Variants in RRP1B observed in about 807,000 individuals in gnomAD.
The protein encoded by RRP1B is ribosomal RNA processing 1B.
A neutral mutation model predicts 80.2 loss-of-function variants in RRP1B; 56 were observed. The ratio of observed to expected loss-of-function variants is 0.70; its 90% CI spans 0.56 to 0.87. The LOEUF (loss-of-function observed/expected upper bound fraction) is 0.87. Ranked by LOEUF, RRP1B falls within the 40% of genes least tolerant of loss-of-function variation. RRP1B has a pLI of 0.00. For missense variants in RRP1B, 807 were observed against 939.8 expected (o/e 0.86, Z 1.85); for synonymous variants, 351 against 357.6 (o/e 0.98, Z 0.21).
rs551971755 is a variant in RRP1B, at chr21:43,675,848, T to C, written c.550-424T>C. On this transcript the variant is annotated intron_variant, in intron 6 of 15. Coordinates refer to ENST00000340648, the MANE Select transcript of RRP1B (RefSeq NM_015056.3). The stretch of plus-strand genomic sequence containing the variant: ...AAAATATGAGGGGTATTTTGCATTT[T>C]ATTTTATTTTATTTTATTTTATTTT... Among the ~76,000 whole-genome samples the C allele has an allele frequency of 5.0e-4, 57 of 113,920 alleles. No homozygotes were observed. The South Asian group carries it at 0.013, about 25-fold the overall frequency. 74.7% of individuals were successfully genotyped at this position (113,920 alleles called of 152,430 possible). A position where few individuals can be genotyped will look rare whatever the true frequency, so the allele number is the denominator to read the frequency against.
chr21:43,686,499 C>G (rs2083063614), intron 11 of RRP1B: 1 of 281,334 alleles, frequency 3.6e-6, no homozygotes, highest in South Asian at 5.9e-5. Flanking sequence ...ACTAGGGACA[C>G]TTGGAATTGG....
At chr21:43,689,646 T>C (rs1299637783) in intron 13 of RRP1B, among the ~76,000 whole-genome samples, 1 of 152,194 alleles carries the variant, frequency 6.6e-6, no homozygotes, top group African/African-American at 2.4e-5. Context: ...GGGGTGTTGC[T>C]CAATAAGTCC....
Position 43,693,198 on chromosome 21 carries a change from AAGAC to A in RRP1B, c.2098_2101del (p.Asp700ArgfsTer26). The A allele has an allele frequency of 6.2e-7, 1 of 1,613,934 alleles. No homozygotes were observed. The highest frequency in any genetic ancestry group is 1.1e-5 in the South Asian group (1 of 91,056). ...GCTCTCATTTGGGACAGAATTCAAG[AAGAC>A]AGACAAGAGTATCTTGGTCAGTCCC... On this transcript the variant is annotated frameshift_variant, in exon 16 of 16. Transcript: ENST00000340648. LOFTEE classifies it high-confidence loss of function. This position sits in a 1 kb window ranked among gnomAD's most constrained non-coding sequence, Gnocchi z 4.1.
At position 43,684,603 on chromosome 21, in the gene RRP1B, G is replaced by T. The variant is rs1176270349; in HGVS notation, c.942G>T (p.Lys314Asn). Residue 314 changes from lysine to asparagine, a missense_variant, in exon 10 of 16, where the codon AAG becomes AAT. By Grantham distance (94) the Lys-to-Asn change is moderately conservative. Coordinates refer to ENST00000340648, the MANE Select transcript of RRP1B (RefSeq NM_015056.3). ...GACTCCTGGAAATGACCAGCAGGAA[G>T]AACACGCCCCACTTCAACAGGAAGC... ...ADRLLEMTSR[K>N]NTPHFNRKRL... 6.2e-7 allele frequency: 1 copy of T among 1,614,174 alleles called. No individual in the cohort carries two copies. The highest frequency in any genetic ancestry group is 1.3e-5 in the African/African-American group (1 of 75,054).
At position 43,683,286 on chromosome 21, in the gene RRP1B, C is replaced by A. The variant is rs146636619; in HGVS notation, c.804C>A (p.Gly268=). ...TTGGGTATATTTTGACAGCACTGGGCAAAAACCATTCCAGAAAAGATGGAC... is the reference window on the plus strand; with the variant it reads ...TTGGGTATATTTTGACAGCACTGGGAAAAAACCATTCCAGAAAAGATGGAC... The part of the protein sequence containing the change: ...RAVSKKKTAL[G]KNHSRKDGLS... The change falls in exon 9 of 16, where the codon GGC becomes GGA. Residue 268 remains glycine, a synonymous_variant. Transcript: ENST00000340648. The A allele has an allele frequency of 9.4e-5, 151 of 1,613,826 alleles. 1 individual carries two copies. Among genetic ancestry groups the A allele is most frequent in the Non-Finnish European group, 5.7e-5 (67 of 1,179,876 alleles).
chr21:43,666,456 C>T (rs1166331147), intron 1 of RRP1B, among the ~76,000 whole-genome samples: 6 of 152,224 alleles, frequency 3.9e-5, no homozygotes, highest in African/African-American at 9.7e-5. Context: ...TGGTGGCTCA[C>T]GCCTGTAATC....
chr21:43,666,018 C>T (rs543596701), intron 1 of RRP1B, among the ~76,000 whole-genome samples: 1 of 152,294 alleles, frequency 6.6e-6, no homozygotes, highest in East Asian at 1.9e-4. Flanking sequence ...CACTCCTTGT[C>T]CTTGCTGGGC....
chr21:43,677,922 C>T (rs538182090), intron 8 of RRP1B, among the ~76,000 whole-genome samples: 3 of 152,330 alleles, frequency 2.0e-5, no homozygotes, highest in Admixed American at 6.5e-5. Flanking sequence ...GCATTCAGGC[C>T]GGTTCCATGT....
intron 8 of RRP1B, among the ~76,000 whole-genome samples, chr21:43,679,648 T>G (rs1218240537): frequency 2.0e-5 from 3 of 152,196 alleles, no homozygotes; most frequent in Admixed American, 6.5e-5. Flanking sequence ...ATTTTAGGAT[T>G]GTTTTTTCTA....
chr21:43,680,963 G>A (rs187512657), intron 8 of RRP1B, among the ~76,000 whole-genome samples: 1 of 152,166 alleles, frequency 6.6e-6, no homozygotes, highest in African/African-American at 2.4e-5. Flanking sequence ...AATCAAGCCG[G>A]TTGCAGTGGC....
chr21:43,683,195 T>A (rs1352058341), intron 8 of RRP1B, 84 bp from the exon 9 acceptor site: 2 of 1,120,036 alleles, frequency 1.8e-6, no homozygotes, highest in Non-Finnish European at 2.7e-6. Flanking sequence ...AAGAGACACC[T>A]AATTAGACAG....
chr21:43,664,819 A>G (rs993437969), intron 1 of RRP1B, among the ~76,000 whole-genome samples: 1 of 152,226 alleles, frequency 6.6e-6, no homozygotes, highest in South Asian at 2.1e-4. Flanking sequence ...GCGGCAGGCA[A>G]GCGGGTATGT....
chr21:43,672,441 T>C, intron 3 of RRP1B, 76 bp downstream of exon 3: 1 of 1,255,054 alleles, frequency 8.0e-7, no homozygotes, highest in Non-Finnish European at 1.2e-6. Flanking sequence ...GTGCCGGTAT[T>C]GTGTAGATGT....
intron 5 of RRP1B, 46 bp downstream of exon 5, chr21:43,674,743 A>G (rs1568956750): frequency 6.6e-7 from 1 of 1,509,224 alleles, no homozygotes; most frequent in Non-Finnish European, 9.1e-7. Context: ...TAAAACTTAA[A>G]AGGTAGTAGA....
At chr21:43,670,126 C>T (rs2082993904) in intron 2 of RRP1B, among the ~76,000 whole-genome samples, 160 bp downstream of exon 2, 1 of 152,194 alleles carries the variant, frequency 6.6e-6, no homozygotes, top group South Asian at 2.1e-4. Flanking sequence ...GAAAGGGATG[C>T]AGGGTCAACA....
chr21:43,672,769 A>G (rs1244291460), intron 3 of RRP1B, among the ~76,000 whole-genome samples: 1 of 152,184 alleles, frequency 6.6e-6, no homozygotes, highest in Non-Finnish European at 1.5e-5. Flanking sequence ...ACCATAGAGA[A>G]AAAAAATTAG....
Position 43,687,850 on chromosome 21 carries a change from G to T in RRP1B, c.1476G>T (p.Leu492Phe), listed in dbSNP as rs1447716486. 6.2e-7 allele frequency: 1 copy of T among 1,613,202 alleles called. No homozygotes were observed. The highest frequency in any genetic ancestry group is 1.3e-5 in the African/African-American group (1 of 74,940). Residue 492 changes from leucine (L) to phenylalanine (F), a missense_variant, in exon 13 of 16, where the codon TTG (leucine) becomes TTT (phenylalanine). Coordinates refer to ENST00000340648, the MANE Select transcript of RRP1B (RefSeq NM_015056.3). ...GGGAAATGTTGGAATCAGCAGTGTT[G>T]CCCCCAGAGGACATGTCTCAGAGTG... ...AHREMLESAV[L>F]PPEDMSQSGP...
chr21:43,681,037 C>T (rs1232714296), intron 8 of RRP1B, among the ~76,000 whole-genome samples: 3 of 152,038 alleles, frequency 2.0e-5, no homozygotes, highest in East Asian at 1.9e-4. Context: ...GTCAGGAGTT[C>T]GAGACCAGCC....
At chr21:43,666,343 A>G (rs2082977869) in intron 1 of RRP1B, among the ~76,000 whole-genome samples, 1 of 152,238 alleles carries the variant, frequency 6.6e-6, no homozygotes, top group Non-Finnish European at 1.5e-5. Flanking sequence ...TTGGGGCAGC[A>G]GAGGTTGCAG....
Sources: allele counts gnomAD v4.1 joint callset (sites outside exome capture counted in the v4.1 genomes callset), GRCh38; gene constraint gnomAD v4.1.1; non-coding constraint Gnocchi (gnomAD v3.1); transcripts MANE v1.5; gene names NCBI Gene and HGNC (gene_info 2026-07-23, HGNC 2026-07-21).